SPTLC1: variants seen among roughly 807,000 people sequenced by gnomAD.
SPTLC1 encodes serine palmitoyltransferase 1.
SPTLC1 carries 55 observed loss-of-function variants against 68.9 expected under a neutral mutation model. That is an observed-to-expected ratio of 0.80 (90% CI 0.64 to 1.00). The LOEUF (loss-of-function observed/expected upper bound fraction) is 1.00. Ranked by LOEUF, SPTLC1 falls within the 50% of genes least tolerant of loss-of-function variation. The pLI is 0.00. For missense variants in SPTLC1, 449 were observed against 573.1 expected, an observed-to-expected ratio of 0.78 and a Z score of 2.21; for synonymous variants, 197 against 201.6, an observed-to-expected ratio of 0.98 and a Z score of 0.19.
intron 7 of SPTLC1, 27 bp downstream of exon 7, chr9:92,059,143 AAAAGAACTG>A (rs773928018): frequency 1.7e-5 from 28 of 1,609,156 alleles, no homozygotes; most frequent in Non-Finnish European, 2.1e-5. Context: ...TAGAAAGTAC[AAAAGAACTG>A]TATAATTTTC....
At chr9:92,055,354 A>G in intron 8 of SPTLC1, 51 bp downstream of exon 8, 1 of 1,611,450 alleles carries the variant, frequency 6.2e-7, no homozygotes, top group Non-Finnish European at 8.5e-7. Context: ...CAAAAGGCAC[A>G]TCTGTCAAAT....
At chr9:92,057,731 G>A (rs1486513582) in intron 7 of SPTLC1, among the ~76,000 whole-genome samples, 1 of 152,084 alleles carries the variant, frequency 6.6e-6, no homozygotes, top group Non-Finnish European at 1.5e-5. Flanking sequence ...AAGTGTTAAC[G>A]ACCAGATTAT....
chr9:92,101,735 A>G (rs1835763176), intron 3 of SPTLC1, among the ~76,000 whole-genome samples: 1 of 148,962 alleles, frequency 6.7e-6, no homozygotes, highest in Non-Finnish European at 1.5e-5. Flanking sequence ...AATAACCCAG[A>G]CTGAGGGAAA....
rs200704785 is a variant in SPTLC1, at chr9:92,038,238, G to C, written c.1254+10C>G. ...GTGTGGGGGGATGCCTCAAGTCAAC[G>C]GATACTTACTTGATCTACAATTTCC... On this transcript the variant is annotated intron_variant, in intron 13 of 14. Transcript: ENST00000262554. 1 of 1,565,960 alleles carries C rather than the reference G, an allele frequency of 6.4e-7. No homozygotes were observed. Among genetic ancestry groups the C allele is most frequent in the Non-Finnish European group, 8.8e-7 (1 of 1,136,808 alleles).
chr9:92,083,401 T>C (rs1431733230), intron 3 of SPTLC1, among the ~76,000 whole-genome samples: 1 of 151,508 alleles, frequency 6.6e-6, no homozygotes, highest in Non-Finnish European at 1.5e-5. Flanking sequence ...TTAATCCATC[T>C]TGAATTAATT....
In SPTLC1 at chr9:92,056,144, C is replaced by T. The variant is rs144273985; in HGVS notation, c.691-650G>A. 1.2e-4 allele frequency among the ~76,000 whole-genome samples: 18 copies of T among 152,334 alleles called. No individual in the cohort carries two copies. The East Asian group carries it at 3.3e-3, about 28-fold the overall frequency. On this transcript the variant is annotated intron_variant, in intron 7 of 14. Coordinates refer to ENST00000262554, the MANE Select transcript of SPTLC1 (RefSeq NM_006415.4). ...AAAAAAAGGGGCAACCCTGTTCCCT[C>T]CTCACTCCCCACTGATGTATTATCG...
chr9:92,051,405 A>T (rs571036114), intron 8 of SPTLC1: 327 of 327,470 alleles, frequency 1.0e-3, no homozygotes, highest in African/African-American at 6.9e-3. Flanking sequence ...CAGAAAAAAA[A>T]TTTGACAAAA....
intron 3 of SPTLC1, among the ~76,000 whole-genome samples, chr9:92,089,845 G>C (rs1432994516): frequency 6.6e-6 from 1 of 152,170 alleles, no homozygotes; most frequent in African/African-American, 2.4e-5. Context: ...AATTGTGAAA[G>C]CCACTAGAAA....
At chr9:92,096,534 T>C (rs904293860) in intron 3 of SPTLC1, among the ~76,000 whole-genome samples, 20 of 152,260 alleles carry the variant, frequency 1.3e-4, no homozygotes, top group South Asian at 8.3e-4. Context: ...TTCTTGAAAA[T>C]AGACCATCCT....
At chr9:92,086,152 G>T (rs1367572205) in intron 3 of SPTLC1, among the ~76,000 whole-genome samples, 1 of 151,906 alleles carries the variant, frequency 6.6e-6, no homozygotes, top group Admixed American at 6.6e-5. Context: ...ACGTGAGATG[G>T]GTTTCCTGAA....
chr9:92,060,933 A>G (rs1349205565), intron 6 of SPTLC1, among the ~76,000 whole-genome samples: 1 of 151,666 alleles, frequency 6.6e-6, no homozygotes, highest in Non-Finnish European at 1.5e-5. Flanking sequence ...AAAACAAAGA[A>G]AAAAGAAATC....
chr9:92,079,191 T>C, intron 5 of SPTLC1: 1 of 374,352 alleles, frequency 2.7e-6, no homozygotes, highest in South Asian at 4.6e-5. Flanking sequence ...TTCTCCCACC[T>C]CAGCCTCCCA....
chr9:92,061,289 T>A (rs931265375), intron 6 of SPTLC1, among the ~76,000 whole-genome samples: 2 of 152,100 alleles, frequency 1.3e-5, no homozygotes, highest in African/African-American at 4.8e-5. Context: ...AGAAAAACAA[T>A]TTGAATGACG....
chr9:92,082,427 C>A (rs1457977654), intron 3 of SPTLC1, among the ~76,000 whole-genome samples: 1 of 137,828 alleles, frequency 7.3e-6, no homozygotes, highest in Non-Finnish European at 1.5e-5. Flanking sequence ...GTGTGATGTT[C>A]CCCTTCCTGT....
chr9:92,079,384 T>C (rs1172373384), intron 5 of SPTLC1: 2 of 1,467,506 alleles, frequency 1.4e-6, no homozygotes, highest in Non-Finnish European at 1.8e-6. Flanking sequence ...CCTAAACAAT[T>C]ATTTAATAAC....
At chr9:92,114,395 T>C (rs1411223486) in intron 1 of SPTLC1, among the ~76,000 whole-genome samples, 1 of 152,220 alleles carries the variant, frequency 6.6e-6, no homozygotes, top group Non-Finnish European at 1.5e-5. Flanking sequence ...TATTATCTTA[T>C]GTATCTGAAA....
At chr9:92,081,742 G>A (rs1357703417) in intron 3 of SPTLC1, among the ~76,000 whole-genome samples, 5 of 152,144 alleles carry the variant, frequency 3.3e-5, no homozygotes, top group African/African-American at 7.2e-5. Context: ...AAAATAGAAC[G>A]GAAAAGAAAA....
intron 5 of SPTLC1, among the ~76,000 whole-genome samples, chr9:92,071,120 C>T (rs1374730699): frequency 1.3e-5 from 2 of 149,988 alleles, no homozygotes; most frequent in Admixed American, 6.6e-5. Context: ...CCAGGTGTGG[C>T]GGCTCACACC....
In SPTLC1 at chr9:92,031,318, T is replaced by C. The variant is rs1417297886; in HGVS notation, c.*1147A>G. ...AAAGTATGTGTTGTTTAAAAAGATGTTGAAGACCATTTGAGTAATAAGCAC... is the reference window on the plus strand; with the variant it reads ...AAAGTATGTGTTGTTTAAAAAGATGCTGAAGACCATTTGAGTAATAAGCAC... On this transcript the variant is annotated 3_prime_UTR_variant, in exon 15 of 15. Coordinates refer to ENST00000262554, the MANE Select transcript of SPTLC1 (RefSeq NM_006415.4). 6.6e-6 allele frequency: 1 copy of C among 152,632 alleles called. No individual in the cohort carries two copies. 9.5% of individuals were successfully genotyped at this position (152,632 alleles called of 1,614,324 possible). A position where few individuals can be genotyped will look rare whatever the true frequency, so the allele number is the denominator to read the frequency against.
Sources: allele counts gnomAD v4.1 joint callset (sites outside exome capture counted in the v4.1 genomes callset), GRCh38; gene constraint gnomAD v4.1.1; transcripts MANE v1.5; gene names NCBI Gene and HGNC (gene_info 2026-07-23, HGNC 2026-07-21).